Variants in RBFOX1 observed in about 807,000 individuals in gnomAD.
RBFOX1 encodes the protein RNA binding fox-1 homolog 1.
In RBFOX1, 8 loss-of-function variants were observed where a neutral mutation model predicts 57.7. That is an observed-to-expected ratio of 0.14 (90% CI 0.08 to 0.25). The LOEUF (loss-of-function observed/expected upper bound fraction) is 0.25, where lower values mean the gene tolerates loss of function less well. RBFOX1 is among the 10% of genes least tolerant of loss of function. RBFOX1 has a pLI of 1.00. For synonymous variants in RBFOX1, 326 were observed against 222.4 expected, an observed-to-expected ratio of 1.47 and a Z score of -4.15; for missense variants, 611 against 548.5, an observed-to-expected ratio of 1.11 and a Z score of -1.14.
chr16:7,346,904 A>C (rs965787748), intron 4 of RBFOX1, among the ~76,000 whole-genome samples: 21 of 152,308 alleles, frequency 1.4e-4, no homozygotes, highest in Admixed American at 7.8e-4. Flanking sequence ...TAGCTTCAAA[A>C]AAAACGAGAG....
Position 6,478,490 on chromosome 16 carries a change from G to T in RBFOX1, c.-64+161433G>T, listed in dbSNP as rs1415641736. On this transcript the variant is annotated intron_variant, in intron 2 of 15. Transcript: ENST00000550418. The stretch of plus-strand genomic sequence containing the variant: ...AGGGTTTCACCATGTTGGCGAGGCT[G>T]TTCTGGAACTCCTGACCTTGTGATT... 2.9e-5 allele frequency among the ~76,000 whole-genome samples: 4 copies of T among 138,576 alleles called. No homozygotes were observed. The East Asian group carries it at 8.3e-4, about 29-fold the overall frequency. The allele number at this position is 138,576 out of a possible 152,430, so 90.9% of individuals were successfully genotyped here.
chr16:5,490,662 C>G (rs543644633), intron 2 of RBFOX1, among the ~76,000 whole-genome samples: 1 of 152,182 alleles, frequency 6.6e-6, no homozygotes, highest in South Asian at 2.1e-4. Context: ...CTCCGAGCAT[C>G]TCTGCAGACC....
chr16:7,364,289 T>G (rs1432266984), intron 4 of RBFOX1, among the ~76,000 whole-genome samples: 2 of 152,106 alleles, frequency 1.3e-5, no homozygotes, highest in Admixed American at 1.3e-4. Context: ...AAGTATGAGA[T>G]CTGTTTATCT....
chr16:7,259,470 A>G (rs559965292), intron 4 of RBFOX1, among the ~76,000 whole-genome samples: 155 of 152,150 alleles, frequency 1.0e-3, no homozygotes, highest in African/African-American at 3.5e-3. Context: ...TATTGCAGCC[A>G]TTTGCATTTA....
intron 3 of RBFOX1, among the ~76,000 whole-genome samples, chr16:7,042,702 G>T (rs1403388396): frequency 6.6e-6 from 1 of 152,184 alleles, no homozygotes. Flanking sequence ...CAGGCGGGCG[G>T]ATCATTTGAG....
rs141353434 is a variant in RBFOX1, at chr16:5,250,899, G to T, written c.219+10794G>T. Among the ~76,000 whole-genome samples the T allele has an allele frequency of 1.3e-3, 204 of 152,346 alleles. 1 individual carries two copies. Among genetic ancestry groups the T allele is most frequent in the African/African-American group, 3.8e-3 (157 of 41,578 alleles). On this transcript the variant is annotated intron_variant, in intron 1 of 2. Coordinates refer to the RBFOX1 transcript ENST00000585867. ...TGTGAGATGTTCCTGGAGGTGGGCTGTCTGGATCAGAGGGGGATCTGTGCT... is the reference window on the plus strand; with the variant it reads ...TGTGAGATGTTCCTGGAGGTGGGCTTTCTGGATCAGAGGGGGATCTGTGCT...
chr16:6,178,902 A>G (rs1466770085), intron 1 of RBFOX1, among the ~76,000 whole-genome samples: 1 of 152,162 alleles, frequency 6.6e-6, no homozygotes, highest in Non-Finnish European at 1.5e-5. Flanking sequence ...ATAGCTGAAT[A>G]CTCTCATATA....
At chr16:5,476,058 T>G (rs545936353) in intron 2 of RBFOX1, among the ~76,000 whole-genome samples, 2 of 152,162 alleles carry the variant, frequency 1.3e-5, no homozygotes, top group Admixed American at 6.5e-5. Flanking sequence ...CTGCCTTGTT[T>G]CCAGCCACAG....
intron 2 of RBFOX1, among the ~76,000 whole-genome samples, chr16:5,549,321 T>G (rs1362569333): frequency 6.6e-6 from 1 of 152,216 alleles, no homozygotes; most frequent in African/African-American, 2.4e-5. Flanking sequence ...GAACTTTGCT[T>G]TCTCTCCTGG....
At chr16:6,382,605 A>T (rs1341530537) in intron 2 of RBFOX1, among the ~76,000 whole-genome samples, 1 of 152,196 alleles carries the variant, frequency 6.6e-6, no homozygotes, top group African/African-American at 2.4e-5. Flanking sequence ...CATGCCTGTA[A>T]TCCCAGAACT....
intron 2 of RBFOX1, among the ~76,000 whole-genome samples, chr16:5,544,412 A>G (rs2045098149): frequency 6.6e-6 from 1 of 152,220 alleles, no homozygotes; most frequent in Admixed American, 6.5e-5. Flanking sequence ...ATTTTGTGGG[A>G]TACTGTTAGA....
chr16:6,799,176 A>C (rs1015412241), intron 3 of RBFOX1, among the ~76,000 whole-genome samples: 1 of 152,118 alleles, frequency 6.6e-6, no homozygotes, highest in Admixed American at 6.5e-5. Context: ...AAAGAATTCA[A>C]AAGTGTGCTG....
chr16:6,198,568 T>C (rs914476380), intron 1 of RBFOX1, among the ~76,000 whole-genome samples: 2 of 152,226 alleles, frequency 1.3e-5, no homozygotes, highest in South Asian at 4.1e-4. Context: ...ATTCATCTTC[T>C]GAAAACAAGA....
At chr16:7,016,087 T>A (rs1342208554) in intron 3 of RBFOX1, among the ~76,000 whole-genome samples, 1 of 152,192 alleles carries the variant, frequency 6.6e-6, no homozygotes, top group African/African-American at 2.4e-5. Flanking sequence ...TTCTTGCCAA[T>A]GAATTGTAGG....
chr16:6,549,470 G>A (rs1200471358), intron 2 of RBFOX1, among the ~76,000 whole-genome samples: 3 of 95,544 alleles, frequency 3.1e-5, no homozygotes, highest in Admixed American at 2.1e-4. Context: ...GAAGTGGGGA[G>A]GAGGGAGGAG....
At chr16:6,262,661 CG>C in intron 1 of RBFOX1, among the ~76,000 whole-genome samples, 1 of 152,230 alleles carries the variant, frequency 6.6e-6, no homozygotes, top group South Asian at 2.1e-4. Flanking sequence ...TGGGAAGAAT[CG>C]GAACAAAGGG....
At chr16:5,355,503 G>T (rs1463445405) in intron 1 of RBFOX1, among the ~76,000 whole-genome samples, 1 of 152,200 alleles carries the variant, frequency 6.6e-6, no homozygotes, top group Non-Finnish European at 1.5e-5. Context: ...CCTGAGGTCA[G>T]CTGAAGCTGG....
At chr16:7,111,982 G>C (rs189981678) in intron 4 of RBFOX1, among the ~76,000 whole-genome samples, 2 of 152,258 alleles carry the variant, frequency 1.3e-5, no homozygotes, top group Admixed American at 1.3e-4. Context: ...ACCCTTGAAG[G>C]ACAGATACAG....
At chr16:6,704,774 C>T (rs1395196750) in intron 3 of RBFOX1, 1 of 152,128 alleles carries the variant, frequency 6.6e-6, no homozygotes, top group Non-Finnish European at 1.5e-5. Context: ...GGAGAACCTT[C>T]CCAAGAACTG....
Sources: gnomAD v4.1 joint callset for allele counts (sites outside exome capture counted in the v4.1 genomes callset) on GRCh38, gnomAD v4.1.1 for gene constraint, MANE v1.5 for transcripts, NCBI Gene and HGNC (gene_info 2026-07-23, HGNC 2026-07-21) for gene names.